ZZEF1: variants seen among roughly 807,000 people sequenced by gnomAD.
ZZEF1 encodes the protein zinc finger ZZ-type and EF-hand domain containing 1, also known as zinc finger ZZ-type and EF-hand domain-containing protein 1.
A neutral mutation model predicts 342.8 loss-of-function variants in ZZEF1; 157 were observed. The observed-to-expected ratio is 0.46, with a 90% CI of 0.40 to 0.52. The LOEUF is 0.52. ZZEF1 is among the 20% of genes least tolerant of loss of function. The pLI is 0.00. For synonymous variants in ZZEF1, 1,505 were observed against 1,429.1 expected (o/e 1.05, Z -1.20); for missense variants, 3,480 against 3,725.6 (o/e 0.93, Z 1.72).
At chr17:4,019,536 AAG>A (rs1163326569) in intron 46 of ZZEF1, 131 bp downstream of exon 46, 1 of 738,956 alleles carries the variant, frequency 1.4e-6, no homozygotes, top group African/African-American at 1.8e-5. Context: ...TCGCCTTACA[AAG>A]GACTAGCAAC....
rs1597755109 is a variant in ZZEF1, at chr17:4,014,609, T to G, written c.8146-94A>C. 4 of 1,302,962 alleles carry G rather than the reference T, an allele frequency of 3.1e-6. No homozygotes were observed. The highest frequency in any genetic ancestry group is 4.4e-6 in the Non-Finnish European group (4 of 916,332). 80.7% of individuals were successfully genotyped at this position (1,302,962 alleles called of 1,614,324 possible). On this transcript the variant is annotated intron_variant, in intron 49 of 54. Transcript: ENST00000381638. This position sits in a 1 kb window ranked among gnomAD's most constrained non-coding sequence, Gnocchi z 4.4. Reference sequence around the variant, plus strand: ...GCCGAGTCCTGTGGCTGGACCCGGGTGTGTGAGAATGAGTGAACCACAGCC... The same window carrying G: ...GCCGAGTCCTGTGGCTGGACCCGGGGGTGTGAGAATGAGTGAACCACAGCC...
intron 9 of ZZEF1, among the ~76,000 whole-genome samples, chr17:4,098,372 A>G (rs768747019): frequency 6.6e-6 from 1 of 152,046 alleles, no homozygotes; most frequent in African/African-American, 2.4e-5. Flanking sequence ...TCATCACAAC[A>G]CTTCACTCCA....
intron 9 of ZZEF1, among the ~76,000 whole-genome samples, chr17:4,097,926 C>CA (rs541461547): frequency 0.18 from 11,471 of 63,598 alleles, 1,483 homozygotes; most frequent in African/African-American, 0.25. Context: ...CCATTTCTAC[C>CA]AAAAAAAAAA....
chr17:4,054,505 A>C (rs992507594), intron 33 of ZZEF1, among the ~76,000 whole-genome samples: 1 of 152,198 alleles, frequency 6.6e-6, no homozygotes, highest in African/African-American at 2.4e-5. Flanking sequence ...GTGAGACCCA[A>C]AGGACAAACA....
At chr17:4,111,585 G>A (rs1473596559) in intron 5 of ZZEF1, among the ~76,000 whole-genome samples, 4 of 150,954 alleles carry the variant, frequency 2.6e-5, no homozygotes, top group Non-Finnish European at 4.4e-5. Context: ...CGTGAACCCC[G>A]GAGGTGGAGG....
intron 37 of ZZEF1, among the ~76,000 whole-genome samples, chr17:4,047,506 G>A (rs970006159): frequency 2.0e-5 from 3 of 152,156 alleles, no homozygotes; most frequent in African/African-American, 7.2e-5. Context: ...TAGCTGGCAT[G>A]GTGGCATACA....
Position 4,132,932 on chromosome 17 carries a change from G to C in ZZEF1, c.355-8881C>G, listed in dbSNP as rs186092205. ...AGTGAGCTGAGATCACGCCACTGCA[G>C]TCCAGCCTGGGCGACAGAGCGAGAC... On this transcript the variant is annotated intron_variant, in intron 1 of 54. Coordinates refer to ENST00000381638, the MANE Select transcript of ZZEF1 (RefSeq NM_015113.4). 5.9e-3 allele frequency among the ~76,000 whole-genome samples: 893 copies of C among 152,106 alleles called. 13 individuals carry two copies. The highest frequency in any genetic ancestry group is 0.028 in the Admixed American group (434 of 15,278).
intron 2 of ZZEF1, among the ~76,000 whole-genome samples, chr17:4,117,807 G>A (rs773384263): frequency 1.8e-4 from 27 of 152,100 alleles, no homozygotes; most frequent in Middle Eastern, 3.4e-3. Flanking sequence ...TAGAATACAG[G>A]GTAGAAATAA....
intron 30 of ZZEF1, 69 bp downstream of exon 30, chr17:4,062,684 A>T (rs1335478291): frequency 2.1e-6 from 3 of 1,451,122 alleles, no homozygotes; most frequent in Non-Finnish European, 2.8e-6. Context: ...TATTAATCAG[A>T]GAAGATAATC....
chr17:4,010,953 G>C (rs1178474229), intron 52 of ZZEF1, among the ~76,000 whole-genome samples: 1 of 151,974 alleles, frequency 6.6e-6, no homozygotes, highest in Non-Finnish European at 1.5e-5. Context: ...GACAAGCGTG[G>C]TGGCTCATAT....
chr17:4,096,180 A>G (rs2058030036), intron 10 of ZZEF1, among the ~76,000 whole-genome samples: 1 of 152,134 alleles, frequency 6.6e-6, no homozygotes, highest in Non-Finnish European at 1.5e-5. Context: ...TATTCTCACC[A>G]TTTCAAAGAC....
chr17:4,008,198 G>A lies in ZZEF1; in HGVS notation c.8805+685C>T, dbSNP rs982276952. 1 of 152,174 alleles carries A rather than the reference G, an allele frequency of 6.6e-6. No homozygotes were observed. Among genetic ancestry groups the A allele is most frequent in the African/African-American group, 2.4e-5 (1 of 41,394 alleles). 9.4% of individuals were successfully genotyped at this position (152,174 alleles called of 1,614,324 possible). ...GTCTTCTACGAGGCCAGACATGAGA[G>A]GGGTCTGCAAGGATGGAACACAACA... On this transcript the variant is annotated intron_variant, in intron 54 of 54. Coordinates refer to ENST00000381638, the MANE Select transcript of ZZEF1 (RefSeq NM_015113.4). The surrounding 1 kb of genome is among the most constrained non-coding windows in gnomAD (Gnocchi z 4.2).
chr17:4,039,497 TCCGC>T (rs2056751986), intron 39 of ZZEF1, among the ~76,000 whole-genome samples: 4 of 138,766 alleles, frequency 2.9e-5, no homozygotes. Context: ...AACAAACAAA[TCCGC>T]CCTGCATCCA....
At position 4,067,231 on chromosome 17, in the gene ZZEF1, C is replaced by T; in HGVS notation, c.4087G>A (p.Gly1363Ser). The T allele has an allele frequency of 6.2e-7, 1 of 1,612,902 alleles. No homozygotes were observed. Among genetic ancestry groups the T allele is most frequent in the Non-Finnish European group, 8.5e-7 (1 of 1,179,542 alleles). The change falls in exon 27 of 55, where the codon GGC (glycine) becomes AGC (serine). Residue 1363 changes from glycine to serine, a missense_variant. Gly to Ser is a moderately conservative substitution (Grantham distance 56). Transcript: ENST00000381638. ...AACTCTTCACTCAGGGCTATTTTGCCCCCACTGTTGACTGGGGAGAGAAGC... is the reference window on the plus strand; with the variant it reads ...AACTCTTCACTCAGGGCTATTTTGCTCCCACTGTTGACTGGGGAGAGAAGC... Reference protein sequence around the residue: ...EKLQKYVNSGGKIALSEEFAQ... With the variant: ...EKLQKYVNSGSKIALSEEFAQ...
rs2057850248 is a variant in ZZEF1 at position 4,087,283 on chromosome 17, T to C, written c.2342+151A>G. ...CTAAATATTTTATAGAAATCTGAGG[T>C]GTTATTTTCAATAATAACCATATAT... On this transcript the variant is annotated intron_variant, in intron 14 of 54. Transcript: ENST00000381638. 3 of 589,816 alleles carry C rather than the reference T, an allele frequency of 5.1e-6. No individual in the cohort carries two copies. The South Asian group carries it at 6.9e-5, about 14-fold the overall frequency. 36.5% of individuals were successfully genotyped at this position (589,816 alleles called of 1,614,324 possible).
intron 3 of ZZEF1, among the ~76,000 whole-genome samples, chr17:4,115,099 G>A (rs913370756): frequency 7.9e-5 from 12 of 151,918 alleles, no homozygotes; most frequent in East Asian, 1.9e-4. Flanking sequence ...ACAGCTCACC[G>A]CAGCCTCGAT....
At chr17:4,043,030 T>C (rs1021441689) in intron 38 of ZZEF1, among the ~76,000 whole-genome samples, 3 of 152,206 alleles carry the variant, frequency 2.0e-5, no homozygotes, top group Admixed American at 2.0e-4. Flanking sequence ...TGCGCTCAGC[T>C]GTTTCCTTCT....
At chr17:4,138,998 C>A (rs2015527) in intron 1 of ZZEF1, among the ~76,000 whole-genome samples, 103,890 of 133,742 alleles carry the variant, frequency 0.78, 41,722 homozygotes, top group East Asian at 0.97. Flanking sequence ...CTTTATAACA[C>A]CTCCTCAAGT....
In ZZEF1 at chr17:4,026,038, T is replaced by C. The variant is rs539150057; in HGVS notation, c.6893-920A>G. On this transcript the variant is annotated intron_variant, in intron 42 of 54. Transcript: ENST00000381638. ...AGGGCAGAATATCAGAGCAGGGAGA[T>C]GCAGAGAGAGAGGGGTGGGTTGGGG... 3.7e-4 allele frequency among the ~76,000 whole-genome samples: 57 copies of C among 152,018 alleles called. No individual in the cohort carries two copies. In the East Asian group the frequency reaches 9.3e-3, roughly 25 times the overall value.
Sources: allele counts gnomAD v4.1 joint callset (sites outside exome capture counted in the v4.1 genomes callset), GRCh38; gene constraint gnomAD v4.1.1; non-coding constraint Gnocchi (gnomAD v3.1); transcripts MANE v1.5; gene names NCBI Gene and HGNC (gene_info 2026-07-23, HGNC 2026-07-21).